The following TAF4B variants were observed in gnomAD, a reference collection of about 807,000 sequenced individuals.
The protein encoded by TAF4B is transcription initiation factor TFIID subunit 4B.
Under a neutral mutation model 86.4 loss-of-function variants are expected in TAF4B, and 38 were observed. That is an observed-to-expected ratio of 0.44 (90% confidence interval 0.34 to 0.58). The LOEUF is 0.58. Among genes scored for constraint, TAF4B ranks in the 20% least tolerant of loss-of-function variants. The pLI, the probability that TAF4B is intolerant of heterozygous loss-of-function variation, is 0.02. For synonymous variants in TAF4B, 388 were observed against 391.2 expected (o/e 0.99, Z 0.10); for missense variants, 988 against 1,027.6 (o/e 0.96, Z 0.53).
intron 6 of TAF4B, among the ~76,000 whole-genome samples, chr18:26,284,123 C>G (rs181186967): frequency 6.6e-6 from 1 of 152,112 alleles, no homozygotes; most frequent in African/African-American, 2.4e-5. Flanking sequence ...GTACTTGCAG[C>G]TTTACCTTGC....
intron 9 of TAF4B, among the ~76,000 whole-genome samples, chr18:26,297,980 C>G (rs572516477): frequency 6.6e-6 from 1 of 151,972 alleles, no homozygotes; most frequent in African/African-American, 2.4e-5. Flanking sequence ...AGATTCTGTT[C>G]TAGTTGCTCT....
intron 14 of TAF4B, among the ~76,000 whole-genome samples, chr18:26,360,564 T>C (rs1476374119): frequency 3.3e-5 from 5 of 152,220 alleles, no homozygotes; most frequent in Non-Finnish European, 1.5e-5. Flanking sequence ...ATTAGAATTA[T>C]GTGTTACTAC....
chr18:26,252,251 ATAT>A, intron 1 of TAF4B, among the ~76,000 whole-genome samples: 1 of 152,282 alleles, frequency 6.6e-6, no homozygotes, highest in African/African-American at 2.4e-5. Context: ...TCCTTGAAGT[ATAT>A]TATTCTTTTT....
chr18:26,257,287 C>T (rs759708280), intron 1 of TAF4B, among the ~76,000 whole-genome samples: 4 of 152,096 alleles, frequency 2.6e-5, no homozygotes, highest in Non-Finnish European at 4.4e-5. Context: ...AATGTTACAT[C>T]GTGTTGATCT....
intron 13 of TAF4B, among the ~76,000 whole-genome samples, chr18:26,350,939 T>C (rs2057239930): frequency 6.6e-6 from 1 of 152,196 alleles, no homozygotes; most frequent in African/African-American, 2.4e-5. Flanking sequence ...TGTAAACTAG[T>C]ATAGCCACTG....
At chr18:26,373,623 C>T (rs2057421348) in intron 14 of TAF4B, among the ~76,000 whole-genome samples, 1 of 152,170 alleles carries the variant, frequency 6.6e-6, no homozygotes, top group Non-Finnish European at 1.5e-5. Flanking sequence ...ATTAGCATCT[C>T]ATCAATACTG....
chr18:26,263,698 G>GCTCTTTCT (rs377734250), intron 1 of TAF4B, among the ~76,000 whole-genome samples: 18 of 150,634 alleles, frequency 1.2e-4, no homozygotes, highest in Non-Finnish European at 1.9e-4. Flanking sequence ...TCTTTCTTTC[G>GCTCTTTCT]CTCTTTCTCT....
At position 26,281,953 on chromosome 18, in the gene TAF4B, AT is replaced by A. The variant is rs746338345; in HGVS notation, c.883-15del. 1.3e-6 allele frequency: 2 copies of A among 1,579,614 alleles called. No homozygotes were observed. Among genetic ancestry groups the A allele is most frequent in the South Asian group, 1.1e-5 (1 of 89,748 alleles). ...GATTTGTAGACTTAAAATTGTTTCT[AT>A]TTCTCCCATCCCTCAGGATGCAAAA... On this transcript the variant is annotated splice_polypyrimidine_tract_variant and intron_variant, in intron 5 of 14. Coordinates refer to ENST00000269142, the MANE Select transcript of TAF4B (RefSeq NM_005640.3).
intron 1 of TAF4B, among the ~76,000 whole-genome samples, chr18:26,235,930 TC>T (rs1422745904): frequency 6.6e-6 from 1 of 152,246 alleles, no homozygotes; most frequent in African/African-American, 2.4e-5. Context: ...TGCTGCATTT[TC>T]TTACTAAGCC....
At chr18:26,247,852 G>T (rs1176304280) in intron 1 of TAF4B, among the ~76,000 whole-genome samples, 1 of 151,894 alleles carries the variant, frequency 6.6e-6, no homozygotes, top group Non-Finnish European at 1.5e-5. Context: ...CTCCAGCCTG[G>T]GCAACAGAAC....
In TAF4B at chr18:26,390,020, A is replaced by C; in HGVS notation, c.*8A>C. The C allele has an allele frequency of 6.2e-6, 10 of 1,612,310 alleles. No individual in the cohort carries two copies. The highest frequency in any genetic ancestry group is 8.5e-6 in the Non-Finnish European group (10 of 1,179,260). ...CTGGCCCTTCTGAAGTGACCACTCC[A>C]CTCTTCCATCCAGATCCTTGCTATT... On this transcript the variant is annotated 3_prime_UTR_variant, in exon 15 of 15. Transcript: ENST00000269142.
At chr18:26,264,068 C>G (rs112202999) in intron 1 of TAF4B, among the ~76,000 whole-genome samples, 2,143 of 152,214 alleles carry the variant, frequency 0.014, 31 homozygotes, top group Non-Finnish European at 0.018. Context: ...CCAGGACACA[C>G]AAATTGCCTT....
chr18:26,252,865 T>C (rs1009118820), intron 1 of TAF4B, among the ~76,000 whole-genome samples: 1 of 151,562 alleles, frequency 6.6e-6, no homozygotes, highest in Non-Finnish European at 1.5e-5. Context: ...GTTGCCAGTA[T>C]GTTACTGTGT....
At position 26,286,090 on chromosome 18, in the gene TAF4B, A is replaced by G. The variant is rs1243289003; in HGVS notation, c.1181A>G (p.Gln394Arg). The G allele has an allele frequency of 1.4e-5, 23 of 1,614,216 alleles. No homozygotes were observed. The highest frequency in any genetic ancestry group is 1.8e-5 in the Non-Finnish European group (21 of 1,180,024). Residue 394 changes from glutamine (Q) to arginine (R), a missense_variant, in exon 7 of 15, where the codon CAA becomes CGA. This residue lies in a region of TAF4B where 747 missense variants were observed against 737.9 expected (regional missense o/e 1.01). Coordinates refer to ENST00000269142, the MANE Select transcript of TAF4B (RefSeq NM_005640.3). ...ACAGCACCCAGAACTGTGTCAGTGCAAACTTTGAACCCACTTGCTGGTCCA... is the reference window on the plus strand; with the variant it reads ...ACAGCACCCAGAACTGTGTCAGTGCGAACTTTGAACCCACTTGCTGGTCCA... ...GATAPRTVSV[Q>R]TLNPLAGPVG...
At chr18:26,330,904 C>G (rs1318471347) in intron 12 of TAF4B, among the ~76,000 whole-genome samples, 1 of 152,194 alleles carries the variant, frequency 6.6e-6, no homozygotes, top group Admixed American at 6.5e-5. Flanking sequence ...TCTGCTACTA[C>G]TAATATCCCC....
intron 1 of TAF4B, among the ~76,000 whole-genome samples, chr18:26,258,327 T>G (rs2056116189): frequency 6.6e-6 from 1 of 152,108 alleles, no homozygotes; most frequent in Admixed American, 6.6e-5. Flanking sequence ...CTTATTTGTC[T>G]TTTCTGGATT....
chr18:26,232,096 A>G (rs1458270874), intron 1 of TAF4B, among the ~76,000 whole-genome samples: 2 of 152,044 alleles, frequency 1.3e-5, no homozygotes, highest in Admixed American at 6.5e-5. Context: ...CTAGCTACAG[A>G]GCACTGATTG....
intron 14 of TAF4B, among the ~76,000 whole-genome samples, chr18:26,368,121 CATTT>C (rs1427617518): frequency 1.3e-5 from 2 of 152,066 alleles, no homozygotes; most frequent in Admixed American, 6.5e-5. Flanking sequence ...GATTATAAAA[CATTT>C]ATTTAAGTAT....
At chr18:26,228,086 C>G (rs540481648) in intron 1 of TAF4B, among the ~76,000 whole-genome samples, 1 of 152,300 alleles carries the variant, frequency 6.6e-6, no homozygotes, top group South Asian at 2.1e-4. Context: ...ACTTTCTATC[C>G]TAGGGCTTTT....
Sources: gnomAD v4.1 joint callset for allele counts (sites outside exome capture counted in the v4.1 genomes callset) on GRCh38, gnomAD v4.1.1 for gene constraint, gnomAD v4.1.1 regional missense constraint, MANE v1.5 for transcripts, NCBI Gene and HGNC (gene_info 2026-07-23, HGNC 2026-07-21) for gene names.